The following CD226 variants were observed in gnomAD, a reference collection of about 807,000 sequenced individuals.
CD226 encodes CD226 antigen.
Under a neutral mutation model 34.9 loss-of-function variants are expected in CD226, and 24 were observed. The observed-to-expected ratio is 0.69, with a 90% CI of 0.50 to 0.97. The LOEUF (loss-of-function observed/expected upper bound fraction) is 0.97. Among genes scored for constraint, CD226 ranks in the 50% least tolerant of loss-of-function variants. The pLI is 0.00. For missense variants in CD226, 397 were observed against 412.7 expected, an observed-to-expected ratio of 0.96 and a Z score of 0.33; for synonymous variants, 148 against 147.4, an observed-to-expected ratio of 1.00 and a Z score of -0.03.
chr18:69,945,520 G>C (rs1052548338), intron 2 of CD226, among the ~76,000 whole-genome samples: 7 of 152,188 alleles, frequency 4.6e-5, no homozygotes, highest in African/African-American at 1.7e-4. Context: ...CACAATTTAT[G>C]AAGAAAGTGT....
chr18:69,898,797 C>A (rs758512148), intron 2 of CD226, among the ~76,000 whole-genome samples: 6 of 152,130 alleles, frequency 3.9e-5, no homozygotes, highest in Non-Finnish European at 8.8e-5. Flanking sequence ...TCCTGCAAAG[C>A]TCAGTGGAAG....
chr18:69,904,617 T>C (rs1343292380), intron 2 of CD226, among the ~76,000 whole-genome samples: 1 of 152,244 alleles, frequency 6.6e-6, no homozygotes, highest in Admixed American at 6.5e-5. Flanking sequence ...ATAGTCAGTA[T>C]CATAAGATTT....
intron 2 of CD226, among the ~76,000 whole-genome samples, chr18:69,943,724 A>G (rs570236985): frequency 6.6e-6 from 1 of 152,180 alleles, no homozygotes; most frequent in Non-Finnish European, 1.5e-5. Context: ...AGGGCCTTGG[A>G]AAGACTACTA....
intron 3 of CD226, among the ~76,000 whole-genome samples, chr18:69,881,912 G>A (rs1308017926): frequency 6.6e-6 from 1 of 152,108 alleles, no homozygotes; most frequent in East Asian, 1.9e-4. Context: ...AGTTTTCAAA[G>A]GTCAACTTTC....
intron 2 of CD226, among the ~76,000 whole-genome samples, chr18:69,942,323 AG>A (rs1301475769): frequency 2.0e-5 from 3 of 152,204 alleles, no homozygotes; most frequent in Non-Finnish European, 4.4e-5. Context: ...TCCTGCTAGC[AG>A]TGTGTAAAGG....
At chr18:69,908,133 G>A (rs144884810) in intron 2 of CD226, among the ~76,000 whole-genome samples, 1,894 of 152,158 alleles carry the variant, frequency 0.012, 24 homozygotes, top group South Asian at 0.038. Context: ...TGAATCCTAC[G>A]GCTCTCTCTT....
intron 2 of CD226, among the ~76,000 whole-genome samples, chr18:69,903,996 C>G (rs1441289992): frequency 6.6e-6 from 1 of 152,100 alleles, no homozygotes; most frequent in Non-Finnish European, 1.5e-5. Flanking sequence ...GAAAATCGGC[C>G]GTCTTCACAA....
rs140048149 is a variant in CD226 at position 69,899,318 on chromosome 18, G to A, written c.383-3273C>T. 7.4e-3 allele frequency among the ~76,000 whole-genome samples: 1,134 copies of A among 152,252 alleles called. 13 individuals carry two copies. The highest frequency in any genetic ancestry group is 0.026 in the African/African-American group (1,070 of 41,534). On this transcript the variant is annotated intron_variant, in intron 2 of 5. Coordinates refer to ENST00000582621, the MANE Select transcript of CD226 (RefSeq NM_001303618.2). ...CAGTTCTGCATATGCAGTTTGAGCA[G>A]CTCTGCAAAATCCTTCACCCACTTC...
At chr18:69,908,024 G>A (rs569618186) in intron 2 of CD226, among the ~76,000 whole-genome samples, 6 of 152,110 alleles carry the variant, frequency 3.9e-5, no homozygotes, top group East Asian at 3.9e-4. Context: ...AAACAAAACC[G>A]ACTCTGTCTT....
intron 4 of CD226, among the ~76,000 whole-genome samples, chr18:69,870,245 C>CATCT (rs1983428767): frequency 6.7e-6 from 1 of 150,236 alleles, no homozygotes; most frequent in Admixed American, 6.6e-5. Context: ...CTCAGGTGCA[C>CATCT]ATCTATAGAA....
intron 2 of CD226, among the ~76,000 whole-genome samples, chr18:69,934,279 T>TACATACACACACACACACACAC (rs1555684029): frequency 1.1e-3 from 84 of 73,210 alleles, no homozygotes; most frequent in African/African-American, 2.2e-3. Flanking sequence ...ACACAGAGGA[T>TACATACACACACACACACACAC]ACACACACAC....
chr18:69,924,692 C>CAA (rs56118102), intron 2 of CD226, among the ~76,000 whole-genome samples: 23 of 57,128 alleles, frequency 4.0e-4, no homozygotes, highest in African/African-American at 1.4e-3. Flanking sequence ...AAGGTATTGC[C>CAA]AAAAAAAAAA....
intron 3 of CD226, among the ~76,000 whole-genome samples, chr18:69,884,898 C>T (rs1374474804): frequency 2.6e-5 from 4 of 152,192 alleles, no homozygotes; most frequent in African/African-American, 9.7e-5. Flanking sequence ...ATTTCTTTGT[C>T]TTTGCAGTCT....
At position 69,916,174 on chromosome 18, in the gene CD226, A is replaced by G. The variant is rs149714266; in HGVS notation, c.383-20129T>C. Among the ~76,000 whole-genome samples, 5 of 152,376 alleles carry G rather than the reference A, an allele frequency of 3.3e-5. No homozygotes were observed. The East Asian group carries it at 9.6e-4, about 29-fold the overall frequency. On this transcript the variant is annotated intron_variant, in intron 2 of 5. Coordinates refer to ENST00000582621, the MANE Select transcript of CD226 (RefSeq NM_001303618.2). The stretch of plus-strand genomic sequence containing the variant: ...TCAGCAACCAGAGATAACCACACAG[A>G]TACTGATTTGTGATTTATTTGTAAT...
intron 2 of CD226, among the ~76,000 whole-genome samples, chr18:69,900,724 G>A (rs2055170690): frequency 7.3e-6 from 1 of 136,612 alleles, no homozygotes; most frequent in South Asian, 2.4e-4. Context: ...GGGCGACAGA[G>A]CGAGACTCCG....
At chr18:69,896,096 C>A in intron 2 of CD226, 51 bp from the exon 3 acceptor site, 1 of 1,558,048 alleles carries the variant, frequency 6.4e-7, no homozygotes, top group Admixed American at 1.8e-5. Flanking sequence ...TTTTGGGACA[C>A]CCAACTGGAA....
chr18:69,933,443 T>C (rs1477220487), intron 2 of CD226, among the ~76,000 whole-genome samples: 1 of 152,150 alleles, frequency 6.6e-6, no homozygotes, highest in African/African-American at 2.4e-5. Context: ...TCTCCATTCA[T>C]CCAAATTACA....
At chr18:69,933,226 C>T (rs1436595766) in intron 2 of CD226, among the ~76,000 whole-genome samples, 6 of 152,148 alleles carry the variant, frequency 3.9e-5, no homozygotes, top group Admixed American at 3.9e-4. Flanking sequence ...CAATCATGGC[C>T]AACATGAGAC....
Position 69,853,426 on chromosome 18 carries a change from A to G in CD226, c.*10888T>C, listed in dbSNP as rs1982529391. The G allele has an allele frequency of 6.6e-6, 1 of 152,198 alleles. No individual in the cohort carries two copies. The highest frequency in any genetic ancestry group is 1.5e-5 in the Non-Finnish European group (1 of 68,044). The allele number at this position is 152,198 out of a possible 1,614,324, so 9.4% of individuals were successfully genotyped here. ...CCTTCCTATTGTGTTTTTTTCTCAG[A>G]AGCCTAATATCTAAATATATAGACA... is the stretch of plus-strand genomic sequence containing the variant. On this transcript the variant is annotated 3_prime_UTR_variant, in exon 6 of 6. Coordinates refer to ENST00000582621, the MANE Select transcript of CD226 (RefSeq NM_001303618.2).
Sources: allele counts gnomAD v4.1 joint callset (sites outside exome capture counted in the v4.1 genomes callset), GRCh38; gene constraint gnomAD v4.1.1; transcripts MANE v1.5; gene names NCBI Gene and HGNC (gene_info 2026-07-23, HGNC 2026-07-21).